Variants in PLA2G4C observed in about 807,000 individuals in gnomAD.
PLA2G4C encodes cytosolic phospholipase A2 gamma.
PLA2G4C carries 64 observed loss-of-function variants against 73.8 expected under a neutral mutation model. The observed-to-expected ratio is 0.87, with a 90% CI of 0.71 to 1.07. PLA2G4C has a LOEUF of 1.07. Among genes scored for constraint, PLA2G4C ranks in the 50% least tolerant of loss-of-function variants. The pLI is 0.00. For synonymous variants in PLA2G4C, 254 were observed against 252.1 expected, an observed-to-expected ratio of 1.01 and a Z score of -0.07; for missense variants, 622 against 665.4, an observed-to-expected ratio of 0.93 and a Z score of 0.72.
chr19:48,085,293 T>C (rs1680942115), intron 9 of PLA2G4C, among the ~76,000 whole-genome samples, 181 bp from the exon 10 acceptor site: 1 of 152,192 alleles, frequency 6.6e-6, no homozygotes. Context: ...CTCTTCTGAC[T>C]GTTGGAATAG....
At chr19:48,104,449 C>T (rs1295421520) in intron 4 of PLA2G4C, 139 bp downstream of exon 4, 4 of 790,136 alleles carry the variant, frequency 5.1e-6, no homozygotes, top group Non-Finnish European at 8.2e-6. Context: ...CAGAATTGCT[C>T]AGAATTGTAG....
At chr19:48,081,282 C>A (rs1016408104) in intron 10 of PLA2G4C, among the ~76,000 whole-genome samples, 1 of 152,162 alleles carries the variant, frequency 6.6e-6, no homozygotes, top group Non-Finnish European at 1.5e-5. Flanking sequence ...AAAATAATGT[C>A]TTTTGCAGAA....
At chr19:48,067,378 A>G (rs1160054338) in intron 13 of PLA2G4C, among the ~76,000 whole-genome samples, 3 of 151,964 alleles carry the variant, frequency 2.0e-5, no homozygotes, top group African/African-American at 7.2e-5. Flanking sequence ...ATGTTGGCCA[A>G]GCTAGTCTTG....
intron 13 of PLA2G4C, among the ~76,000 whole-genome samples, chr19:48,066,620 G>A (rs1435634077): frequency 6.6e-6 from 1 of 151,988 alleles, no homozygotes; most frequent in African/African-American, 2.4e-5. Flanking sequence ...ATTTGCACAA[G>A]GGCAACAGGA....
At chr19:48,075,597 G>A (rs1020899366) in intron 11 of PLA2G4C, among the ~76,000 whole-genome samples, 11 of 152,070 alleles carry the variant, frequency 7.2e-5, no homozygotes, top group Non-Finnish European at 1.5e-4. Flanking sequence ...AACGTCACCT[G>A]CCAGGCTCAT....
rs368260975 is a variant in PLA2G4C at position 48,089,603 on chromosome 19, T to C, written c.763+761A>G. Among the ~76,000 whole-genome samples the C allele has an allele frequency of 1.3e-4, 20 of 152,300 alleles. No homozygotes were observed. In the East Asian group the frequency reaches 1.7e-3, roughly 13 times the overall value. ...GTGTCAGGCTTGGCTCTAAGCATTTTACATACATGAGGTCATTTAAACCCC... is the reference window on the plus strand; with the variant it reads ...GTGTCAGGCTTGGCTCTAAGCATTTCACATACATGAGGTCATTTAAACCCC... On this transcript the variant is annotated intron_variant, in intron 8 of 16. Transcript: ENST00000599921.
At chr19:48,059,421 C>T (rs1486441326) in intron 14 of PLA2G4C, among the ~76,000 whole-genome samples, 2 of 151,992 alleles carry the variant, frequency 1.3e-5, no homozygotes, top group African/African-American at 4.8e-5. Context: ...TTGAAGGGTG[C>T]CTGGAAAGCT....
At chr19:48,100,500 G>A (rs2031839953) in intron 4 of PLA2G4C, among the ~76,000 whole-genome samples, 1 of 151,566 alleles carries the variant, frequency 6.6e-6, no homozygotes, top group South Asian at 2.1e-4. Flanking sequence ...AGCTGCTCAG[G>A]AGGCTGAAGC....
chr19:48,100,592 G>A (rs71355796), intron 4 of PLA2G4C, among the ~76,000 whole-genome samples: 16,333 of 96,584 alleles, frequency 0.17, 2,815 homozygotes, highest in African/African-American at 0.47. Flanking sequence ...GCGACAGAGC[G>A]TGACTCCATC....
chr19:48,091,883 C>CAAAAAAAAAAAAAAAAAA (rs35118449), intron 7 of PLA2G4C, among the ~76,000 whole-genome samples: 1 of 21,090 alleles, frequency 4.7e-5, no homozygotes, highest in African/African-American at 2.1e-4. Context: ...GACTCCATCT[C>CAAAAAAAAAAAAAAAAAA]AAAAAAAAAA....
At chr19:48,086,156 T>G (rs1329353906) in intron 9 of PLA2G4C, among the ~76,000 whole-genome samples, 1 of 152,026 alleles carries the variant, frequency 6.6e-6, no homozygotes, top group Non-Finnish European at 1.5e-5. Context: ...GTGGGATAGA[T>G]GGGGAGGGGC....
intron 2 of PLA2G4C, among the ~76,000 whole-genome samples, chr19:48,105,921 C>CTTT (rs1568457418): frequency 1.3e-4 from 2 of 15,200 alleles, no homozygotes; most frequent in Non-Finnish European, 2.1e-4. Context: ...CTCCCTCCCT[C>CTTT]CCTCCCTCCC....
intron 4 of PLA2G4C, among the ~76,000 whole-genome samples, chr19:48,102,000 G>A (rs1379791343): frequency 6.6e-6 from 1 of 151,904 alleles, no homozygotes; most frequent in Non-Finnish European, 1.5e-5. Flanking sequence ...TGAGACTTCT[G>A]CATCCAACTT....
chr19:48,081,097 G>A (rs1323566874), intron 10 of PLA2G4C, among the ~76,000 whole-genome samples: 13 of 151,698 alleles, frequency 8.6e-5, no homozygotes, highest in East Asian at 3.9e-4. Context: ...CCTGGGAGGC[G>A]GAGCTTGCGG....
intron 13 of PLA2G4C, 76 bp downstream of exon 13, chr19:48,067,715 G>A (rs1968489864): frequency 3.0e-6 from 3 of 985,494 alleles, no homozygotes; most frequent in Non-Finnish European, 4.9e-6. Flanking sequence ...GATTGTTTCA[G>A]GCCCACCCCC....
intron 12 of PLA2G4C, among the ~76,000 whole-genome samples, chr19:48,068,864 G>T (rs776746501): frequency 7.2e-5 from 11 of 152,020 alleles, no homozygotes; most frequent in Non-Finnish European, 1.6e-4. Context: ...AGAGGCCTCA[G>T]GAGAAACTGA....
intron 12 of PLA2G4C, among the ~76,000 whole-genome samples, chr19:48,071,542 C>T (rs1319126048): frequency 6.6e-6 from 1 of 152,088 alleles, no homozygotes. Context: ...AGCGATCCGC[C>T]CACCTTGGCC....
rs1341982377 is a variant in PLA2G4C, at chr19:48,090,842, C to T, written c.710-425G>A. 2.0e-5 allele frequency among the ~76,000 whole-genome samples: 3 copies of T among 152,202 alleles called. No individual in the cohort carries two copies. In the East Asian group the frequency reaches 5.8e-4, roughly 29 times the overall value. On this transcript the variant is annotated intron_variant, in intron 7 of 16. Transcript: ENST00000599921. Reference sequence around the variant, plus strand: ...GGACTTCTGCAAAGTGCTTGTTCTCCTTCTCAGAAGGAGCAGGCCAGGTAT... The same window carrying T: ...GGACTTCTGCAAAGTGCTTGTTCTCTTTCTCAGAAGGAGCAGGCCAGGTAT...
chr19:48,098,298 G>T, intron 5 of PLA2G4C, 39 bp from the exon 6 acceptor site: 1 of 1,582,674 alleles, frequency 6.3e-7, no homozygotes, highest in South Asian at 1.2e-5. Flanking sequence ...AGGGAGGCAT[G>T]TGGGTCCCAC....
Sources: gnomAD v4.1 joint callset for allele counts (sites outside exome capture counted in the v4.1 genomes callset) on GRCh38, gnomAD v4.1.1 for gene constraint, MANE v1.5 for transcripts, NCBI Gene and HGNC (gene_info 2026-07-23, HGNC 2026-07-21) for gene names.